OSBPL10: variants seen among roughly 807,000 people sequenced by gnomAD.
OSBPL10 encodes the protein oxysterol-binding protein-related protein 10.
A neutral mutation model predicts 81.7 loss-of-function variants in OSBPL10; 49 were observed. The observed-to-expected ratio is 0.60, with a 90% CI of 0.48 to 0.76. The LOEUF (loss-of-function observed/expected upper bound fraction) is 0.76, where lower values mean the gene tolerates loss of function less well. OSBPL10 is among the 30% of genes least tolerant of loss of function. The pLI is 0.00. For missense variants in OSBPL10, 923 were observed against 987.8 expected (o/e 0.93, Z 0.88); for synonymous variants, 419 against 383.6 (o/e 1.09, Z -1.08).
chr3:31,997,981 C>A (rs72854197), intron 2 of OSBPL10, among the ~76,000 whole-genome samples: 1,835 of 152,008 alleles, frequency 0.012, 37 homozygotes, highest in African/African-American at 0.042. Context: ...TTTGTAGAGA[C>A]TGGGTCCCAC....
At chr3:31,847,573 C>T (rs111428221) in intron 3 of OSBPL10, among the ~76,000 whole-genome samples, 6,189 of 152,216 alleles carry the variant, frequency 0.041, 181 homozygotes, top group Non-Finnish European at 0.062. Context: ...GGCATTACCC[C>T]AATCCATATC....
chr3:32,072,353 T>C (rs568090959), intron 1 of OSBPL10, among the ~76,000 whole-genome samples: 168 of 152,340 alleles, frequency 1.1e-3, no homozygotes, highest in African/African-American at 3.7e-3. Context: ...AAGAAGCAGC[T>C]AGCATTCCAA....
At chr3:31,866,621 G>A (rs376612229) in intron 3 of OSBPL10, among the ~76,000 whole-genome samples, 9 of 152,142 alleles carry the variant, frequency 5.9e-5, no homozygotes, top group Non-Finnish European at 1.0e-4. Flanking sequence ...TGACAAAGGC[G>A]GGGGAGGAGA....
At chr3:31,778,901 G>A (rs892911555) in intron 4 of OSBPL10, among the ~76,000 whole-genome samples, 4 of 152,088 alleles carry the variant, frequency 2.6e-5, no homozygotes, top group Admixed American at 2.6e-4. Flanking sequence ...GAAGGGACTG[G>A]GATCCTATCT....
intron 11 of OSBPL10, 53 bp from the exon 12 acceptor site, chr3:31,662,169 A>G: frequency 1.2e-6 from 2 of 1,611,200 alleles, no homozygotes; most frequent in Non-Finnish European, 1.7e-6. Context: ...AACAGGGAAA[A>G]GGGGAAGCAA....
At chr3:31,960,223 T>C (rs34080384) in intron 1 of OSBPL10, 26,774 of 152,014 alleles carry the variant, frequency 0.18, 2,964 homozygotes, top group Non-Finnish European at 0.25. Context: ...CTTCTGAACT[T>C]TTACCAGCCT....
At chr3:31,933,272 G>A (rs955578013) in intron 1 of OSBPL10, among the ~76,000 whole-genome samples, 1 of 152,182 alleles carries the variant, frequency 6.6e-6, no homozygotes, top group Admixed American at 6.5e-5. Flanking sequence ...CCTTCGGTAA[G>A]TTCTCGATCC....
intron 1 of OSBPL10, among the ~76,000 whole-genome samples, chr3:31,976,737 G>A (rs1347023387): frequency 1.3e-5 from 2 of 152,162 alleles, no homozygotes; most frequent in Non-Finnish European, 2.9e-5. Context: ...GATTACAGAT[G>A]TGAGCCAATG....
At chr3:32,016,184 T>G (rs1205732428) in intron 2 of OSBPL10, among the ~76,000 whole-genome samples, 2 of 152,134 alleles carry the variant, frequency 1.3e-5, no homozygotes, top group African/African-American at 4.8e-5. Flanking sequence ...CAGCAAAGAT[T>G]TGGAACCAAG....
At chr3:31,685,796 G>A (rs753465880) in intron 7 of OSBPL10, among the ~76,000 whole-genome samples, 1 of 152,132 alleles carries the variant, frequency 6.6e-6, no homozygotes, top group Non-Finnish European at 1.5e-5. Flanking sequence ...TCTACTTCAG[G>A]ATTCCAACAC....
intron 1 of OSBPL10, among the ~76,000 whole-genome samples, chr3:31,885,841 A>C (rs547835384): frequency 1.9e-4 from 28 of 150,910 alleles, no homozygotes; most frequent in African/African-American, 6.3e-4. Flanking sequence ...AAAAAAAAAA[A>C]AAAATTAGCC....
chr3:32,039,184 G>A (rs1699548005), intron 2 of OSBPL10, among the ~76,000 whole-genome samples: 2 of 151,456 alleles, frequency 1.3e-5, no homozygotes, highest in Non-Finnish European at 2.9e-5. Context: ...AAATTAGCTG[G>A]GCATGGTGGG....
intron 7 of OSBPL10, among the ~76,000 whole-genome samples, chr3:31,696,200 C>T (rs942511008): frequency 6.6e-6 from 1 of 152,130 alleles, no homozygotes; most frequent in African/African-American, 2.4e-5. Flanking sequence ...CTCTGGCCAA[C>T]TCCCCTTCCA....
intron 4 of OSBPL10, among the ~76,000 whole-genome samples, chr3:31,783,111 T>TTA (rs56846176): frequency 0.039 from 4,675 of 120,566 alleles, 114 homozygotes; most frequent in Non-Finnish European, 0.051. Flanking sequence ...AATATATCTA[T>TTA]TATATATATA....
At chr3:31,879,952 C>A in intron 1 of OSBPL10, 122 bp from the exon 2 acceptor site, 2 of 1,054,406 alleles carry the variant, frequency 1.9e-6, no homozygotes, top group Non-Finnish European at 2.7e-6. Context: ...AGCTGGAAAC[C>A]AAAAGTCCCT....
chr3:31,743,840 T>G (rs1697434274), intron 5 of OSBPL10, among the ~76,000 whole-genome samples: 1 of 152,206 alleles, frequency 6.6e-6, no homozygotes, highest in African/African-American at 2.4e-5. Context: ...AACCTGGCAC[T>G]TCTTAGACAT....
At chr3:31,925,331 C>G (rs956171927) in intron 1 of OSBPL10, among the ~76,000 whole-genome samples, 1 of 152,078 alleles carries the variant, frequency 6.6e-6, no homozygotes, top group Admixed American at 6.6e-5. Flanking sequence ...AGGTCCTAAC[C>G]TTATCTCCAG....
chr3:31,965,394 TATATA>T (rs1247897102), intron 1 of OSBPL10, among the ~76,000 whole-genome samples: 2 of 107,124 alleles, frequency 1.9e-5, no homozygotes, highest in African/African-American at 3.9e-5. Flanking sequence ...TTATGTATAA[TATATA>T]ATATAAAATA....
In OSBPL10 at chr3:31,885,983, G is replaced by C. The variant is rs376395302; in HGVS notation, c.282-6153C>G. Among the ~76,000 whole-genome samples the C allele has an allele frequency of 5.0e-5, 4 of 80,452 alleles. No individual in the cohort carries two copies. The East Asian group carries it at 1.8e-3, about 36-fold the overall frequency. 52.8% of individuals were successfully genotyped at this position (80,452 alleles called of 152,430 possible). On this transcript the variant is annotated intron_variant, in intron 1 of 11. Coordinates refer to ENST00000396556, the MANE Select transcript of OSBPL10 (RefSeq NM_017784.5). Reference sequence around the variant, plus strand: ...GCACTCCAGCCTGGGAAACAAGAGCGAAACTCCATCTCAAAAAAAAAAAAA... The same window carrying C: ...GCACTCCAGCCTGGGAAACAAGAGCCAAACTCCATCTCAAAAAAAAAAAAA...
Sources: gnomAD v4.1 joint callset for allele counts (sites outside exome capture counted in the v4.1 genomes callset) on GRCh38, gnomAD v4.1.1 for gene constraint, MANE v1.5 for transcripts, NCBI Gene and HGNC (gene_info 2026-07-23, HGNC 2026-07-21) for gene names.